Variants in ZNF529 observed in about 807,000 individuals in gnomAD.
ZNF529 encodes zinc finger protein 529.
A neutral mutation model predicts 10.1 loss-of-function variants in ZNF529; 11 were observed. The observed-to-expected ratio is 1.09, with a 90% CI of 0.69 to 1.81. The LOEUF is 1.81. Among genes scored for constraint, ZNF529 ranks in the 40% most tolerant of loss-of-function variants. ZNF529 has a pLI of 0.00. For missense variants in ZNF529, 624 were observed against 666.8 expected, an observed-to-expected ratio of 0.94 and a Z score of 0.71; for synonymous variants, 204 against 215.7, an observed-to-expected ratio of 0.95 and a Z score of 0.47.
intron 1 of ZNF529, among the ~76,000 whole-genome samples, chr19:36,592,139 G>GC (rs2036732767): frequency 1.3e-5 from 2 of 151,268 alleles, no homozygotes; most frequent in Admixed American, 6.6e-5. Flanking sequence ...AAAAAAATTA[G>GC]CCAGGCATGG....
At position 36,562,639 on chromosome 19, in the gene ZNF529, T is replaced by C. The variant is rs1413344399; in HGVS notation, c.15-6442A>G. ...TCACGAGGTCAGGAAATCGAGACCA[T>C]CCTGGCTAACAGGGTGAAACCCCGT... is the stretch of plus-strand genomic sequence containing the variant. On this transcript the variant is annotated intron_variant, in intron 2 of 4. Coordinates refer to ENST00000591340, the MANE Select transcript of ZNF529 (RefSeq NM_020951.5). Among the ~76,000 whole-genome samples, 3 of 151,174 alleles carry C rather than the reference T, an allele frequency of 2.0e-5. No individual in the cohort carries two copies. In the East Asian group the frequency reaches 5.9e-4, roughly 30 times the overall value.
chr19:36,554,580 A>C, intron 4 of ZNF529, 90 bp downstream of exon 4: 1 of 1,196,162 alleles, frequency 8.4e-7, no homozygotes, highest in Non-Finnish European at 1.1e-6. Context: ...TCCATCTCAT[A>C]AACAAAACAA....
intron 2 of ZNF529, among the ~76,000 whole-genome samples, chr19:36,589,420 G>T (rs959329110): frequency 6.6e-6 from 1 of 152,126 alleles, no homozygotes; most frequent in African/African-American, 2.4e-5. Context: ...GCTGGTAGGG[G>T]GAAATCCCCA....
At chr19:36,574,718 A>C (rs1461692808), upstream of ZNF529, 2 of 434,470 alleles carry the variant, frequency 4.6e-6, no homozygotes, top group African/African-American at 4.1e-5. Context: ...GTGAGATTTC[A>C]TGTGTAGTTC....
intron 4 of ZNF529, among the ~76,000 whole-genome samples, chr19:36,552,290 C>G (rs1205393812): frequency 6.6e-6 from 1 of 151,970 alleles, no homozygotes; most frequent in African/African-American, 2.4e-5. Context: ...ATTAGCCGGG[C>G]GTGGTGGCAT....
rs576359590 is a variant in ZNF529 at position 36,595,156 on chromosome 19, C to T, written c.-127-5455G>A. On this transcript the variant is annotated intron_variant, in intron 1 of 4. Transcript: ENST00000585960. The stretch of plus-strand genomic sequence containing the variant: ...CCTGCCAAAGTGCTGGGATTACAGG[C>T]GTGAGCCACCATGCCCGGCCTCCTA... Among the ~76,000 whole-genome samples, 6 of 152,236 alleles carry T rather than the reference C, an allele frequency of 3.9e-5. No individual in the cohort carries two copies. The East Asian group carries it at 1.2e-3, about 29-fold the overall frequency.
At chr19:36,591,814 A>T (rs966513228) in intron 1 of ZNF529, among the ~76,000 whole-genome samples, 1 of 152,166 alleles carries the variant, frequency 6.6e-6, no homozygotes. Flanking sequence ...CCAGAAATTT[A>T]AGGAACAAAT....
At chr19:36,587,271 A>G (rs983575854) in intron 2 of ZNF529, 3 of 152,082 alleles carry the variant, frequency 2.0e-5, no homozygotes, top group Admixed American at 6.6e-5. Context: ...TCTCAGGAAA[A>G]AAAAAAAAAA....
At position 36,572,356 on chromosome 19, in the gene ZNF529, T is replaced by A; in HGVS notation, c.-10A>T. The A allele has an allele frequency of 6.5e-7, 1 of 1,548,168 alleles. No homozygotes were observed. On this transcript the variant is annotated 5_prime_UTR_variant, in exon 2 of 5. Transcript: ENST00000591340. The stretch of plus-strand genomic sequence containing the variant: ...ACCTTGAGTTGGCCATTAGTACCAA[T>A]GCTGTCTTCCACTTCAGGGGGCCTT...
chr19:36,551,051 T>A (rs1202749397), intron 4 of ZNF529, among the ~76,000 whole-genome samples: 1 of 152,194 alleles, frequency 6.6e-6, no homozygotes, highest in African/African-American at 2.4e-5. Context: ...ACCTGAATCA[T>A]GATCTGGACC....
chr19:36,565,174 CA>C (rs1290308427), intron 2 of ZNF529, among the ~76,000 whole-genome samples: 1 of 152,002 alleles, frequency 6.6e-6, no homozygotes, highest in African/African-American at 2.4e-5. Flanking sequence ...AATTGTACTC[CA>C]AATCTCAGCA....
intron 1 of ZNF529, among the ~76,000 whole-genome samples, chr19:36,598,064 G>A (rs1227878887): frequency 6.6e-6 from 1 of 152,124 alleles, no homozygotes; most frequent in Non-Finnish European, 1.5e-5. Flanking sequence ...CTTGGAAGCG[G>A]GTATAAAGTT....
At chr19:36,597,708 GATAA>G (rs1340180346) in intron 1 of ZNF529, among the ~76,000 whole-genome samples, 1 of 152,086 alleles carries the variant, frequency 6.6e-6, no homozygotes, top group Non-Finnish European at 1.5e-5. Context: ...CAATAGAACA[GATAA>G]ATAATCTGTG....
At chr19:36,592,255 A>T in intron 1 of ZNF529, among the ~76,000 whole-genome samples, 1 of 145,222 alleles carries the variant, frequency 6.9e-6, no homozygotes, top group East Asian at 2.1e-4. Flanking sequence ...ACTGCACTGC[A>T]GCCTGGGCAA....
chr19:36,546,618 C>A lies in ZNF529; in HGVS notation c.*248G>T. 1 of 379,072 alleles carries A rather than the reference C, an allele frequency of 2.6e-6. No homozygotes were observed. The highest frequency in any genetic ancestry group is 4.7e-6 in the Non-Finnish European group (1 of 212,728). 23.5% of individuals were successfully genotyped at this position (379,072 alleles called of 1,614,324 possible). A position where few individuals can be genotyped will look rare whatever the true frequency, so the allele number is the denominator to read the frequency against. On this transcript the variant is annotated 3_prime_UTR_variant, in exon 5 of 5. Coordinates refer to ENST00000591340, the MANE Select transcript of ZNF529 (RefSeq NM_020951.5). ...CAAAAGCTATTGTAAACAAAACATG[C>A]CAGGATGAGAAACTCATGAAAAAAA...
chr19:36,564,055 C>T (rs2035809302), intron 2 of ZNF529, among the ~76,000 whole-genome samples: 2 of 152,266 alleles, frequency 1.3e-5, no homozygotes, highest in African/African-American at 2.4e-5. Context: ...GGATGACTGG[C>T]ATATGCAGAA....
intron 4 of ZNF529, chr19:36,552,009 T>A (rs1568578308): frequency 6.6e-6 from 1 of 152,128 alleles, no homozygotes; most frequent in Non-Finnish European, 1.5e-5. Context: ...GAATGAGCAT[T>A]TTTTTTGGTC....
intron 2 of ZNF529, among the ~76,000 whole-genome samples, chr19:36,563,652 G>A (rs1163950472): frequency 6.6e-6 from 1 of 151,986 alleles, no homozygotes; most frequent in Non-Finnish European, 1.5e-5. Flanking sequence ...TGACACAAAT[G>A]GAAAAACATG....
At chr19:36,562,685 A>G (rs1183234690) in intron 2 of ZNF529, among the ~76,000 whole-genome samples, 1 of 151,914 alleles carries the variant, frequency 6.6e-6, no homozygotes, top group East Asian at 1.9e-4. Context: ...AAACTACAAA[A>G]AAATAGCCGG....
Sources: allele counts gnomAD v4.1 joint callset (sites outside exome capture counted in the v4.1 genomes callset), GRCh38; gene constraint gnomAD v4.1.1; transcripts MANE v1.5; gene names NCBI Gene and HGNC (gene_info 2026-07-23, HGNC 2026-07-21).